Variants in CFAP210 observed in about 807,000 individuals in gnomAD.
The protein encoded by CFAP210 is cilia- and flagella- associated protein 210.
At chr2:169,646,103 T>A in the CFAP210 span, 50 of 1,613,888 alleles carry the variant, frequency 3.1e-5, no homozygotes, top group Non-Finnish European at 4.2e-5. Flanking sequence ...TTTCTCCTTT[T>A]CAGCCACAAG....
chr2:169,649,567 C>A, the CFAP210 span, among the ~76,000 whole-genome samples: 2 of 152,192 alleles, frequency 1.3e-5, no homozygotes, highest in East Asian at 3.9e-4. Flanking sequence ...ATAGGACAAT[C>A]CTTATTGGCT....
the CFAP210 span, chr2:169,660,950 A>G: frequency 4.2e-6 from 2 of 471,576 alleles, no homozygotes; most frequent in South Asian, 1.6e-5. Flanking sequence ...CTTCTATAAT[A>G]GCTGAAATCA....
At chr2:169,672,341 A>G in the CFAP210 span, among the ~76,000 whole-genome samples, 1 of 152,226 alleles carries the variant, frequency 6.6e-6, no homozygotes, top group Non-Finnish European at 1.5e-5. Flanking sequence ...TTTCCAGAGA[A>G]ACAGAACCAA....
At chr2:169,686,017 T>C in the CFAP210 span, among the ~76,000 whole-genome samples, 1 of 152,196 alleles carries the variant, frequency 6.6e-6, no homozygotes, top group Non-Finnish European at 1.5e-5. Context: ...GTTTTTTTTA[T>C]TGTTTTTAGA....
chr2:169,665,597 A>G, the CFAP210 span, among the ~76,000 whole-genome samples: 1 of 152,216 alleles, frequency 6.6e-6, no homozygotes, highest in African/African-American at 2.4e-5. Flanking sequence ...ATTTATTAGA[A>G]AAAGTATAAA....
At chr2:169,652,769 G>A in the CFAP210 span, among the ~76,000 whole-genome samples, 1 of 151,164 alleles carries the variant, frequency 6.6e-6, no homozygotes, top group African/African-American at 2.4e-5. Flanking sequence ...GCCGAGGCGG[G>A]CGGATCACGA....
the CFAP210 span, among the ~76,000 whole-genome samples, chr2:169,689,659 G>A: frequency 6.6e-6 from 1 of 152,270 alleles, no homozygotes; most frequent in African/African-American, 2.4e-5. Flanking sequence ...AAACAGAAGT[G>A]ACGAAAGCAG....
the CFAP210 span, chr2:169,650,273 G>A: frequency 7.1e-7 from 1 of 1,403,688 alleles, no homozygotes; most frequent in African/African-American, 1.5e-5. Context: ...GGAAAACACA[G>A]TGGAAAGGTC....
chr2:169,685,252 C>T, the CFAP210 span, among the ~76,000 whole-genome samples: 1 of 152,220 alleles, frequency 6.6e-6, no homozygotes, highest in South Asian at 2.1e-4. Flanking sequence ...TTCAATTTCT[C>T]CACATCCTTC....
the CFAP210 span, among the ~76,000 whole-genome samples, chr2:169,653,014 AAAAAAAAAAAAAAAAATATATATAT>A: frequency 1.2e-4 from 7 of 58,546 alleles, no homozygotes; most frequent in African/African-American, 4.9e-4. Flanking sequence ...AAAAAAAAAA[AAAAAAAAAAAAAAAAATATATATAT>A]ATATATATAT....
the CFAP210 span, among the ~76,000 whole-genome samples, chr2:169,689,475 A>C: frequency 7.9e-5 from 12 of 152,240 alleles, no homozygotes; most frequent in Non-Finnish European, 1.5e-4. Context: ...ATCATCTTTC[A>C]ATGCCACTAA....
chr2:169,650,337 C>T, the CFAP210 span: 2 of 1,586,550 alleles, frequency 1.3e-6, no homozygotes, highest in South Asian at 2.4e-5. Flanking sequence ...ACCACAATGG[C>T]TCGATATTCT....
At chr2:169,686,958 G>A in the CFAP210 span, among the ~76,000 whole-genome samples, 2,312 of 152,264 alleles carry the variant, frequency 0.015, 55 homozygotes, top group African/African-American at 0.052. Context: ...GGCTGGGGAG[G>A]CCTCAGAATC....
the CFAP210 span, among the ~76,000 whole-genome samples, chr2:169,686,760 T>A: frequency 1.3e-5 from 2 of 152,166 alleles, no homozygotes; most frequent in African/African-American, 4.8e-5. Context: ...CACCTCTCAA[T>A]ACTGTCATTT....
At chr2:169,675,050 G>T in the CFAP210 span, 3 of 1,454,410 alleles carry the variant, frequency 2.1e-6, no homozygotes, top group South Asian at 1.6e-5. Context: ...CCTGTAAAAA[G>T]ACAAACACAA....
At chr2:169,662,533 T>C in the CFAP210 span, 3 of 1,068,734 alleles carry the variant, frequency 2.8e-6, no homozygotes, top group Non-Finnish European at 3.9e-6. Flanking sequence ...GAGTTGAAGC[T>C]GCAAGGAAAA....
chr2:169,676,366 C>CA, the CFAP210 span, among the ~76,000 whole-genome samples: 59,170 of 140,334 alleles, frequency 0.42, 12,008 homozygotes, highest in Non-Finnish European at 0.45. Flanking sequence ...TTCTGTGTTA[C>CA]AAAAAAAAAA....
At chr2:169,650,228 C>T in the CFAP210 span, 1 of 1,198,668 alleles carries the variant, frequency 8.3e-7, no homozygotes, top group Non-Finnish European at 1.1e-6. Flanking sequence ...TTTTTAATAT[C>T]TTGGCTAGTT....
At chr2:169,674,863 G>A in the CFAP210 span, 1 of 1,507,844 alleles carries the variant, frequency 6.6e-7, no homozygotes, top group Non-Finnish European at 8.8e-7. Flanking sequence ...AACTCAAGTA[G>A]TACATGAAAG....
Sources: allele counts gnomAD v4.1 joint callset (sites outside exome capture counted in the v4.1 genomes callset), GRCh38; gene constraint gnomAD v4.1.1; transcripts MANE v1.5; gene names NCBI Gene and HGNC (gene_info 2026-07-23, HGNC 2026-07-21).